Variants in DGCR2 observed in about 807,000 individuals in gnomAD.
The protein encoded by DGCR2 is integral membrane protein DGCR2/IDD.
Under a neutral mutation model 51.6 loss-of-function variants are expected in DGCR2, and 24 were observed. That is an observed-to-expected ratio of 0.47 (90% CI 0.34 to 0.65). The LOEUF is 0.65. Among genes scored for constraint, DGCR2 ranks in the 30% least tolerant of loss-of-function variants. The pLI, the probability that DGCR2 is intolerant of heterozygous loss-of-function variation, is 0.01. For synonymous variants in DGCR2, 340 were observed against 315.4 expected (o/e 1.08, Z -0.82); for missense variants, 765 against 772.1 (o/e 0.99, Z 0.11).
chr22:19,082,672 C>T (rs2082953463), intron 2 of DGCR2, among the ~76,000 whole-genome samples: 1 of 152,036 alleles, frequency 6.6e-6, no homozygotes, highest in Non-Finnish European at 1.5e-5. Flanking sequence ...ATCACTTGAA[C>T]CCAGGAGGTG....
intron 2 of DGCR2, among the ~76,000 whole-genome samples, chr22:19,084,827 G>A (rs1201626587): frequency 5.4e-5 from 8 of 147,818 alleles, no homozygotes; most frequent in Non-Finnish European, 1.2e-4. Context: ...GCCTCCGCCC[G>A]GCCAGCCGCC....
intron 2 of DGCR2, among the ~76,000 whole-genome samples, chr22:19,082,059 T>A (rs866303877): frequency 2.2e-4 from 32 of 148,750 alleles, no homozygotes; most frequent in Middle Eastern, 3.4e-3. Flanking sequence ...TTTGGGGTTT[T>A]TTTTGTTTTT....
intron 1 of DGCR2, among the ~76,000 whole-genome samples, chr22:19,103,550 C>A (rs2083228937): frequency 6.7e-6 from 1 of 148,666 alleles, no homozygotes; most frequent in East Asian, 2.0e-4. Context: ...CCTGCCTCAG[C>A]CTCCCGAGTA....
chr22:19,102,974 G>A (rs916508638), intron 1 of DGCR2, among the ~76,000 whole-genome samples: 2 of 152,060 alleles, frequency 1.3e-5, no homozygotes, highest in African/African-American at 4.8e-5. Flanking sequence ...TTGCACCACT[G>A]CACTCTAGCC....
intron 9 of DGCR2, among the ~76,000 whole-genome samples, chr22:19,039,461 A>G (rs1408737462): frequency 6.6e-6 from 1 of 152,208 alleles, no homozygotes; most frequent in African/African-American, 2.4e-5. Context: ...GCCCAAAGGG[A>G]AACCGTCTCA....
chr22:19,096,039 A>T (rs2854659), intron 1 of DGCR2, among the ~76,000 whole-genome samples: 35,705 of 152,054 alleles, frequency 0.23, 4,764 homozygotes, highest in African/African-American at 0.37. Context: ...TGAGTAAATC[A>T]GCAATTGGGA....
intron 6 of DGCR2, among the ~76,000 whole-genome samples, chr22:19,052,280 GT>G (rs2082556051): frequency 1.3e-5 from 2 of 149,778 alleles, no homozygotes; most frequent in African/African-American, 2.4e-5. Context: ...GCTGGGCGTA[GT>G]GGCACATGCC....
chr22:19,056,549 T>C, intron 6 of DGCR2: 1 of 363,622 alleles, frequency 2.8e-6, no homozygotes, highest in Non-Finnish European at 4.9e-6. Flanking sequence ...GTTAGCTGGC[T>C]TTAATAAAAA....
chr22:19,119,017 A>T (rs1435953771), intron 1 of DGCR2, among the ~76,000 whole-genome samples: 1 of 152,216 alleles, frequency 6.6e-6, no homozygotes, highest in Non-Finnish European at 1.5e-5. Flanking sequence ...GGCCAAACAC[A>T]GAAGGGATTT....
At chr22:19,069,146 G>A (rs966667442) in intron 2 of DGCR2, among the ~76,000 whole-genome samples, 15 of 152,208 alleles carry the variant, frequency 9.9e-5, no homozygotes, top group Admixed American at 9.2e-4. Flanking sequence ...AAACAAACTT[G>A]GTCTGCAAGG....
rs777281857 is a variant in DGCR2 at position 19,068,120 on chromosome 22, G to A, written c.308C>T (p.Ala103Val). 15 of 1,599,440 alleles carry A rather than the reference G, an allele frequency of 9.4e-6. No homozygotes were observed. Among genetic ancestry groups the A allele is most frequent in the Middle Eastern group, 1.7e-4 (1 of 5,962 alleles). Residue 103 changes from alanine to valine, a missense_variant, in exon 3 of 10, where the codon GCG (alanine) becomes GTG (valine). By Grantham distance (64) the Ala-to-Val change is moderately conservative. Around this residue, in one of 3 missense-constraint regions of DGCR2, gnomAD observed 370 missense variants for 325.5 expected, o/e 1.14. Coordinates refer to ENST00000263196, the MANE Select transcript of DGCR2 (RefSeq NM_005137.3). ...CTTACTGCTGAAGCGAACGGGCTGC[G>A]CCACGTTCACCGCGTGGAAGTGCGA... ...DPSHFHAVNVAQPVRFSSFLG... is the reference protein window; with the variant it reads ...DPSHFHAVNVVQPVRFSSFLG...
chr22:19,064,898 G>C lies in DGCR2; in HGVS notation c.498C>G (p.Ala166=). ...STDQELRFVL[A]QEWDQPERSF... ...TCCGCTCGGGCTGGTCCCATTCCTGGGCCAGGACAAAGCGCAGCTCCTGGT... is the reference window on the plus strand; with the variant it reads ...TCCGCTCGGGCTGGTCCCATTCCTGCGCCAGGACAAAGCGCAGCTCCTGGT... The change falls in exon 4 of 10, where the codon GCC becomes GCG. Residue 166 remains alanine, a synonymous_variant. Coordinates refer to ENST00000263196, the MANE Select transcript of DGCR2 (RefSeq NM_005137.3). 6.2e-7 allele frequency: 1 copy of C among 1,613,914 alleles called. No homozygotes were observed. The highest frequency in any genetic ancestry group is 8.5e-7 in the Non-Finnish European group (1 of 1,180,034).
At chr22:19,090,896 C>A (rs2800985) in intron 1 of DGCR2, among the ~76,000 whole-genome samples, 5 of 151,784 alleles carry the variant, frequency 3.3e-5, no homozygotes, top group Admixed American at 2.6e-4. Flanking sequence ...TCAATAAATA[C>A]GCAGAACGAT....
intron 2 of DGCR2, among the ~76,000 whole-genome samples, chr22:19,077,909 A>G (rs1049869752): frequency 1.3e-5 from 2 of 151,830 alleles, no homozygotes; most frequent in Non-Finnish European, 2.9e-5. Flanking sequence ...GCTTACTGCA[A>G]TCTTCACGTT....
intron 1 of DGCR2, among the ~76,000 whole-genome samples, chr22:19,110,510 C>T (rs1024991318): frequency 5.9e-5 from 9 of 151,950 alleles, no homozygotes; most frequent in East Asian, 5.8e-4. Context: ...CTAATGCATG[C>T]GGGGCTTAAA....
At chr22:19,095,015 CTG>C (rs1312247554) in intron 1 of DGCR2, among the ~76,000 whole-genome samples, 4 of 152,142 alleles carry the variant, frequency 2.6e-5, no homozygotes, top group African/African-American at 9.7e-5. Flanking sequence ...TGACGATACG[CTG>C]TGTTTGTTAT....
At chr22:19,116,219 T>G (rs959443109) in intron 1 of DGCR2, among the ~76,000 whole-genome samples, 4 of 152,168 alleles carry the variant, frequency 2.6e-5, no homozygotes, top group Non-Finnish European at 5.9e-5. Flanking sequence ...GACAGCTCAT[T>G]TGAGGCAAAA....
At chr22:19,049,248 T>C (rs2082523469) in intron 6 of DGCR2, among the ~76,000 whole-genome samples, 1 of 151,984 alleles carries the variant, frequency 6.6e-6, no homozygotes, top group Admixed American at 6.6e-5. Context: ...CCAGTTCTGC[T>C]TGGGAAGGCA....
At chr22:19,039,183 G>C (rs2082404882) in intron 9 of DGCR2, 62 bp from the exon 10 acceptor site, 3 of 1,592,956 alleles carry the variant, frequency 1.9e-6, no homozygotes, top group Admixed American at 3.4e-5. Flanking sequence ...GGATGCAGGG[G>C]AGCTAGGCAA....
Sources: allele counts gnomAD v4.1 joint callset (sites outside exome capture counted in the v4.1 genomes callset), GRCh38; gene constraint gnomAD v4.1.1; regional missense constraint gnomAD v4.1.1; transcripts MANE v1.5; gene names NCBI Gene and HGNC (gene_info 2026-07-23, HGNC 2026-07-21).